The following AKAP7 variants were observed in gnomAD, a reference collection of about 807,000 sequenced individuals.
The protein encoded by AKAP7 is A kinase (PRKA) anchor protein 7.
In AKAP7, 39 loss-of-function variants were observed where a neutral mutation model predicts 39.5. That is an observed-to-expected ratio of 0.99 (90% confidence interval 0.76 to 1.29). AKAP7 has a LOEUF of 1.29. Ranked by LOEUF, AKAP7 falls within the 50% of genes most tolerant of loss-of-function variation. The probability of loss-of-function intolerance (pLI) is 0.00; values close to 1 mark genes in which losing one functional copy is unlikely to be tolerated. For missense variants in AKAP7, 414 were observed against 407.7 expected (o/e 1.02, Z -0.13); for synonymous variants, 140 against 139.1 (o/e 1.01, Z -0.05).
intron 7 of AKAP7, among the ~76,000 whole-genome samples, chr6:131,260,956 G>A (rs9492885): frequency 0.027 from 4,120 of 152,104 alleles, 130 homozygotes; most frequent in African/African-American, 0.074. Context: ...CAGCACTTTG[G>A]GAGGCCGAGG....
chr6:131,241,602 T>TATATATAC (rs1811570738), intron 7 of AKAP7, among the ~76,000 whole-genome samples: 2 of 135,482 alleles, frequency 1.5e-5, no homozygotes, highest in Non-Finnish European at 3.1e-5. Flanking sequence ...TGTGTGTGTG[T>TATATATAC]GTGTGTGTGT....
At chr6:131,224,876 G>A (rs1243313247) in intron 7 of AKAP7, among the ~76,000 whole-genome samples, 1 of 150,188 alleles carries the variant, frequency 6.7e-6, no homozygotes. Flanking sequence ...TCAGCCTCCC[G>A]AGTAGCTGGG....
chr6:131,234,767 T>C (rs905112440), intron 7 of AKAP7, among the ~76,000 whole-genome samples: 3 of 151,862 alleles, frequency 2.0e-5, no homozygotes, highest in Non-Finnish European at 4.4e-5. Context: ...ATGATACAAC[T>C]AGTAATTTAT....
At chr6:131,195,800 AGTCTGCTGCCAG>A (rs1188832169) in intron 5 of AKAP7, among the ~76,000 whole-genome samples, 2 of 152,178 alleles carry the variant, frequency 1.3e-5, no homozygotes, top group Non-Finnish European at 2.9e-5. Flanking sequence ...TCCTCTGAAA[AGTCTGCTGCCAG>A]ACATATTGGA....
chr6:131,275,493 T>G (rs1407480253), intron 7 of AKAP7, among the ~76,000 whole-genome samples: 1 of 152,208 alleles, frequency 6.6e-6, no homozygotes, highest in African/African-American at 2.4e-5. Context: ...GACAGCTATC[T>G]GCAGAAATTG....
chr6:131,199,989 C>T (rs558678058), intron 6 of AKAP7: 5 of 191,510 alleles, frequency 2.6e-5, no homozygotes, highest in East Asian at 1.8e-4. Context: ...TTTTTTACCC[C>T]TCTTCCTGTC....
chr6:131,161,032 G>A (rs1802892812), intron 3 of AKAP7, among the ~76,000 whole-genome samples: 1 of 152,130 alleles, frequency 6.6e-6, no homozygotes, highest in Admixed American at 6.5e-5. Context: ...TTGATTGTGG[G>A]TGATAATCTC....
chr6:131,279,071 AAAT>A (rs1030203004), intron 7 of AKAP7, among the ~76,000 whole-genome samples: 1 of 152,192 alleles, frequency 6.6e-6, no homozygotes, highest in African/African-American at 2.4e-5. Context: ...GATGTATTAG[AAAT>A]AATAACTAAA....
chr6:131,137,088 A>AGGGG (rs1800612383), intron 1 of AKAP7, among the ~76,000 whole-genome samples: 1 of 151,804 alleles, frequency 6.6e-6, no homozygotes, highest in Admixed American at 6.6e-5. Context: ...CAGCCTCCCC[A>AGGGG]AGTAGCGGGG....
intron 7 of AKAP7, among the ~76,000 whole-genome samples, chr6:131,227,682 T>C (rs1274952015): frequency 6.6e-6 from 1 of 152,110 alleles, no homozygotes; most frequent in Non-Finnish European, 1.5e-5. Context: ...AGGAAAGAGT[T>C]CTAGATAAGT....
At chr6:131,230,950 T>C (rs557164542) in intron 7 of AKAP7, among the ~76,000 whole-genome samples, 2 of 152,254 alleles carry the variant, frequency 1.3e-5, no homozygotes, top group South Asian at 4.1e-4. Context: ...GGTGGATGGG[T>C]AGGGGTGTTG....
At chr6:131,189,777 A>G (rs1447842543) in intron 5 of AKAP7, among the ~76,000 whole-genome samples, 3 of 152,202 alleles carry the variant, frequency 2.0e-5, no homozygotes, top group Non-Finnish European at 4.4e-5. Flanking sequence ...GTATGTAAAT[A>G]TATTTTTAAG....
At chr6:131,133,515 T>C (rs568090756), upstream of AKAP7, among the ~76,000 whole-genome samples, 4 of 152,220 alleles carry the variant, frequency 2.6e-5, no homozygotes, top group Admixed American at 6.5e-5. Context: ...ATTAAAATGT[T>C]CCTCCACATG....
At chr6:131,131,406 G>A (rs1176915766), upstream of AKAP7, among the ~76,000 whole-genome samples, 1 of 151,850 alleles carries the variant, frequency 6.6e-6, no homozygotes, top group Admixed American at 6.6e-5. Context: ...CACGCAACAG[G>A]CTGTTTGCCA....
intron 7 of AKAP7, among the ~76,000 whole-genome samples, chr6:131,223,238 G>T (rs1809861129): frequency 6.6e-6 from 1 of 152,118 alleles, no homozygotes; most frequent in South Asian, 2.1e-4. Flanking sequence ...ATACCTCTGA[G>T]GTATGCCTGT....
chr6:131,144,362 G>A (rs766006128), intron 1 of AKAP7, among the ~76,000 whole-genome samples: 1 of 152,140 alleles, frequency 6.6e-6, no homozygotes, highest in Non-Finnish European at 1.5e-5. Context: ...ATGTTTTACA[G>A]GTATTGTATC....
intron 3 of AKAP7, among the ~76,000 whole-genome samples, chr6:131,163,268 A>T (rs954844189): frequency 2.6e-5 from 4 of 152,218 alleles, no homozygotes; most frequent in African/African-American, 9.7e-5. Context: ...GCTTACATAC[A>T]AATATGGGGA....
At chr6:131,260,027 C>G (rs888509251) in intron 7 of AKAP7, among the ~76,000 whole-genome samples, 5 of 152,058 alleles carry the variant, frequency 3.3e-5, no homozygotes, top group African/African-American at 1.2e-4. Context: ...TCAGCCCCTA[C>G]TTGTAAGTGA....
Position 131,135,658 on chromosome 6 carries a change from C to G in AKAP7, c.-106C>G. 1 of 1,007,174 alleles carries G rather than the reference C, an allele frequency of 9.9e-7. No individual in the cohort carries two copies. The highest frequency in any genetic ancestry group is 1.2e-6 in the Non-Finnish European group (1 of 835,228). The allele number at this position is 1,007,174 out of a possible 1,614,324, so 62.4% of individuals were successfully genotyped here. A position where few individuals can be genotyped will look rare whatever the true frequency, so the allele number is the denominator to read the frequency against. ...GGCCCAGCGCACCGCCCTCAGGCCCCGAGCCCCGCCCTGGCCTCCGCCTCG... is the reference window on the plus strand; with the variant it reads ...GGCCCAGCGCACCGCCCTCAGGCCCGGAGCCCCGCCCTGGCCTCCGCCTCG... On this transcript the variant is annotated 5_prime_UTR_variant, in exon 1 of 8. Transcript: ENST00000431975.
Sources: allele counts gnomAD v4.1 joint callset (sites outside exome capture counted in the v4.1 genomes callset), GRCh38; gene constraint gnomAD v4.1.1; transcripts MANE v1.5; gene names NCBI Gene and HGNC (gene_info 2026-07-23, HGNC 2026-07-21).